SIRPB1: variants seen among roughly 807,000 people sequenced by gnomAD.
The protein encoded by SIRPB1 is signal-regulatory protein beta-1.
SIRPB1 carries 28 observed loss-of-function variants against 34.1 expected under a neutral mutation model. The ratio of observed to expected loss-of-function variants is 0.82; its 90% CI spans 0.61 to 1.12. The LOEUF is 1.12. Ranked by LOEUF, SIRPB1 falls within the 50% of genes most tolerant of loss-of-function variation. SIRPB1 has a pLI of 0.00. For synonymous variants in SIRPB1, 211 were observed against 203.8 expected, an observed-to-expected ratio of 1.04 and a Z score of -0.30; for missense variants, 499 against 507.0, an observed-to-expected ratio of 0.98 and a Z score of 0.15.
intron 2 of SIRPB1, among the ~76,000 whole-genome samples, chr20:1,573,717 C>T (rs1345256499): frequency 6.8e-6 from 1 of 147,198 alleles, no homozygotes; most frequent in Admixed American, 6.7e-5. Flanking sequence ...TTCTATTTGT[C>T]AGAGGGGGTC....
Position 1,612,031 on chromosome 20 carries a change from G to A in SIRPB1, c.76+7838C>T, listed in dbSNP as rs1202573327. On this transcript the variant is annotated intron_variant, in intron 1 of 5. Transcript: ENST00000381605. ...TTTAAGACAGGGTCTTGCTCTGTCTGCTGCCCAGGCCGGAGTGCAGTGGTA... is the reference window on the plus strand; with the variant it reads ...TTTAAGACAGGGTCTTGCTCTGTCTACTGCCCAGGCCGGAGTGCAGTGGTA... Among the ~76,000 whole-genome samples the A allele has an allele frequency of 1.6e-4, 11 of 69,732 alleles. 4 individuals are homozygous for A. In the South Asian group the frequency reaches 6.4e-3, roughly 41 times the overall value. 45.7% of individuals were successfully genotyped at this position (69,732 alleles called of 152,430 possible). A position where few individuals can be genotyped will look rare whatever the true frequency, so the allele number is the denominator to read the frequency against.
chr20:1,566,192 A>G lies in SIRPB1; in HGVS notation c.1160T>C (p.Val387Ala), dbSNP rs531223992. 6.2e-7 allele frequency: 1 copy of G among 1,612,222 alleles called. No homozygotes were observed. Among genetic ancestry groups the G allele is most frequent in the Admixed American group, 1.7e-5 (1 of 59,772 alleles). The change falls in exon 5 of 6, where the codon GTC (valine) becomes GCC (alanine). Residue 387 changes from valine (V) to alanine (A), a missense_variant. Val to Ala is a moderately conservative substitution (Grantham distance 64). Coordinates refer to ENST00000381605, the MANE Select transcript of SIRPB1 (RefSeq NM_006065.5). Reference protein sequence around the residue: ...LGPKLLLVVGVSAIYICWKQK... With the variant: ...LGPKLLLVVGASAIYICWKQK... ...TTTCCAGCAGATGTAGATGGCAGAG[A>G]CACCAACCACCAGTAGCAGCTTGGG...
At position 1,566,179 on chromosome 20, in the gene SIRPB1, G is replaced by A; in HGVS notation, c.1173C>T (p.Tyr391=). The stretch of plus-strand genomic sequence containing the variant: ...GTCAGGCCTTCTGTTTCCAGCAGAT[G>A]TAGATGGCAGAGACACCAACCACCA... ...LLLVVGVSAI[Y]ICWKQKA The change falls in exon 5 of 6, where the codon TAC becomes TAT. Residue 391 remains tyrosine, a synonymous_variant. Coordinates refer to ENST00000381605, the MANE Select transcript of SIRPB1 (RefSeq NM_006065.5). 6.2e-7 allele frequency: 1 copy of A among 1,610,496 alleles called. No homozygotes were observed. The highest frequency in any genetic ancestry group is 2.2e-5 in the East Asian group (1 of 44,804).
chr20:1,569,034 G>A (rs2091185127), intron 4 of SIRPB1, among the ~76,000 whole-genome samples: 1 of 152,148 alleles, frequency 6.6e-6, no homozygotes, highest in African/African-American at 2.4e-5. Context: ...CACCAAAAGG[G>A]TTATGAGAGG....
intron 1 of SIRPB1, among the ~76,000 whole-genome samples, chr20:1,617,493 T>C (rs547478226): frequency 6.6e-6 from 1 of 152,298 alleles, no homozygotes; most frequent in African/African-American, 2.4e-5. Context: ...GTTGAACTCA[T>C]AGAAGTAGAT....
chr20:1,561,985 A>T lies in SIRPB1; in HGVS notation c.*3515T>A, dbSNP rs1244221442. Among the ~76,000 whole-genome samples the T allele has an allele frequency of 6.6e-6, 1 of 152,046 alleles. No individual in the cohort carries two copies. Among genetic ancestry groups the T allele is most frequent in the East Asian group, 1.9e-4 (1 of 5,192 alleles). ...TTCTTTCCCATTAATTTATTCAATC[A>T]TTTATTTATATCAGTATGGACTCAG... is the stretch of plus-strand genomic sequence containing the variant. On this transcript the variant is annotated 3_prime_UTR_variant, in exon 6 of 6. Coordinates refer to ENST00000381605, the MANE Select transcript of SIRPB1 (RefSeq NM_006065.5).
intron 2 of SIRPB1, 39 bp from the exon 3 acceptor site, chr20:1,572,076 G>A (rs757114241): frequency 9.9e-6 from 16 of 1,613,232 alleles, no homozygotes; most frequent in Non-Finnish European, 1.4e-5. Context: ...ACATGACTCA[G>A]ATGACCATCA....
At chr20:1,619,827 C>T in intron 1 of SIRPB1, 42 bp downstream of exon 1, 1 of 1,423,514 alleles carries the variant, frequency 7.0e-7, no homozygotes, top group Non-Finnish European at 9.9e-7. Flanking sequence ...GGCCATGGCT[C>T]AGTGGGCAGG....
chr20:1,619,554 G>A (rs755196077), intron 1 of SIRPB1, among the ~76,000 whole-genome samples: 1 of 152,232 alleles, frequency 6.6e-6, no homozygotes, highest in Non-Finnish European at 1.5e-5. Flanking sequence ...ACTTGGGCAT[G>A]TCACTTGGCC....
Position 1,578,509 on chromosome 20 carries a change from G to T in SIRPB1, c.262C>A (p.Arg88=). 6.3e-7 allele frequency: 1 copy of T among 1,583,846 alleles called. No homozygotes were observed. The highest frequency in any genetic ancestry group is 8.6e-7 in the Non-Finnish European group (1 of 1,157,594). ...IYNQKEGHFP[R]VTTVSELTKR... is the part of the protein sequence containing the mutation. Reference sequence around the variant, plus strand: ...GTGAGTTCTGAAACAGTTGTTACCCGTGGGAAGTGGCCTTCTTTCTGATTG... The same window carrying T: ...GTGAGTTCTGAAACAGTTGTTACCCTTGGGAAGTGGCCTTCTTTCTGATTG... The change falls in exon 2 of 6, where the codon CGG becomes AGG. Residue 88 remains arginine (R), a synonymous_variant. Transcript: ENST00000381605.
rs1384016201 is a variant in SIRPB1, at chr20:1,578,174, C to T, written c.433+164G>A. On this transcript the variant is annotated intron_variant, in intron 2 of 5. Coordinates refer to ENST00000381605, the MANE Select transcript of SIRPB1 (RefSeq NM_006065.5). ...GAGCCTCGAGCGACTGCCATGACAT[C>T]TCCAAGCCTCAACTCATGTGATCTG... 6 of 791,172 alleles carry T rather than the reference C, an allele frequency of 7.6e-6. No homozygotes were observed. In the African/African-American group the frequency reaches 1.0e-4, roughly 14 times the overall value. The allele number at this position is 791,172 out of a possible 1,614,324, so 49.0% of individuals were successfully genotyped here. A position where few individuals can be genotyped will look rare whatever the true frequency, so the allele number is the denominator to read the frequency against.
intron 1 of SIRPB1, among the ~76,000 whole-genome samples, chr20:1,580,216 C>T (rs2091382843): frequency 6.8e-6 from 1 of 147,980 alleles, no homozygotes; most frequent in South Asian, 2.1e-4. Context: ...AGGTTTCTCC[C>T]ATCCCTTTCT....
At chr20:1,616,749 GA>G (rs1377823363) in intron 1 of SIRPB1, among the ~76,000 whole-genome samples, 1 of 152,128 alleles carries the variant, frequency 6.6e-6, no homozygotes, top group East Asian at 1.9e-4. Context: ...ACAATCAACA[GA>G]GTGAAAAGAC....
intron 3 of SIRPB1, 72 bp downstream of exon 3, chr20:1,571,648 C>T: frequency 6.2e-7 from 1 of 1,608,270 alleles, no homozygotes; most frequent in Admixed American, 1.7e-5. Flanking sequence ...CTTTCAAGCT[C>T]TGGAGCCTGG....
chr20:1,610,949 C>T lies in SIRPB1; in HGVS notation c.76+8920G>A, dbSNP rs1362341071. 1.7e-4 allele frequency among the ~76,000 whole-genome samples: 12 copies of T among 72,612 alleles called. 5 individuals carry two copies. The highest frequency in any genetic ancestry group is 1.0e-3 in the African/African-American group (12 of 11,436). 47.6% of individuals were successfully genotyped at this position (72,612 alleles called of 152,430 possible). On this transcript the variant is annotated intron_variant, in intron 1 of 5. Coordinates refer to ENST00000381605, the MANE Select transcript of SIRPB1 (RefSeq NM_006065.5). The stretch of plus-strand genomic sequence containing the variant: ...GGCAGAGCCTGGCACACAGTGGGGT[C>T]TCAGTGAGTGCCTGCTGCATAAAGA...
rs548402432 is a variant in SIRPB1 at position 1,577,076 on chromosome 20, G to A, written c.433+1262C>T. ...TCTCTATGTCCTGATGTGGAATCTCGATATGAAATGACAGGGCTTACATTT... is the reference window on the plus strand; with the variant it reads ...TCTCTATGTCCTGATGTGGAATCTCAATATGAAATGACAGGGCTTACATTT... On this transcript the variant is annotated intron_variant, in intron 2 of 5. Coordinates refer to ENST00000381605, the MANE Select transcript of SIRPB1 (RefSeq NM_006065.5). 2.5e-4 allele frequency among the ~76,000 whole-genome samples: 37 copies of A among 148,364 alleles called. 3 individuals carry two copies. Among genetic ancestry groups the A allele is most frequent in the Non-Finnish European group, 3.9e-4 (26 of 66,180 alleles).
chr20:1,578,528 C>A lies in SIRPB1; in HGVS notation c.243G>T (p.Gln81His). Reference sequence around the variant, plus strand: ...TTACCCGTGGGAAGTGGCCTTCTTTCTGATTGTAGATTAATTCCCGGCCTG... The same window carrying A: ...TTACCCGTGGGAAGTGGCCTTCTTTATGATTGTAGATTAATTCCCGGCCTG... ...AGAGRELIYNQKEGHFPRVTT... is the reference protein window; with the variant it reads ...AGAGRELIYNHKEGHFPRVTT... Residue 81 changes from glutamine to histidine, a missense_variant, in exon 2 of 6, where the codon CAG becomes CAT. Coordinates refer to ENST00000381605, the MANE Select transcript of SIRPB1 (RefSeq NM_006065.5). 1.3e-6 allele frequency: 2 copies of A among 1,583,872 alleles called. 1 individual carries two copies. The highest frequency in any genetic ancestry group is 1.7e-6 in the Non-Finnish European group (2 of 1,157,606).
rs1399324330 is a variant in SIRPB1, at chr20:1,579,382, A to G, written c.77-688T>C. Among the ~76,000 whole-genome samples the G allele has an allele frequency of 2.7e-5, 4 of 148,174 alleles. 1 individual carries two copies. Among genetic ancestry groups the G allele is most frequent in the African/African-American group, 9.8e-5 (4 of 40,848 alleles). On this transcript the variant is annotated intron_variant, in intron 1 of 5. Coordinates refer to ENST00000381605, the MANE Select transcript of SIRPB1 (RefSeq NM_006065.5). ...GTACATGGAGTGTGGCACTTTTTGTATCACTGGATTGGGTGGGGCCCTGTG... is the reference window on the plus strand; with the variant it reads ...GTACATGGAGTGTGGCACTTTTTGTGTCACTGGATTGGGTGGGGCCCTGTG...
intron 2 of SIRPB1, among the ~76,000 whole-genome samples, chr20:1,574,490 A>G (rs1431988959): frequency 5.2e-5 from 3 of 57,380 alleles, no homozygotes; most frequent in East Asian, 1.0e-3. Flanking sequence ...ATTAGATGCA[A>G]TTAAATTGGC....
Sources: gnomAD v4.1 joint callset for allele counts (sites outside exome capture counted in the v4.1 genomes callset) on GRCh38, gnomAD v4.1.1 for gene constraint, MANE v1.5 for transcripts, NCBI Gene and HGNC (gene_info 2026-07-23, HGNC 2026-07-21) for gene names.